The following RBM34 variants were observed in gnomAD, a reference collection of about 807,000 sequenced individuals.
The protein encoded by RBM34 is RNA binding motif protein 34.
Under a neutral mutation model 44.6 loss-of-function variants are expected in RBM34, and 39 were observed. The ratio of observed to expected loss-of-function variants is 0.87; its 90% CI spans 0.68 to 1.14. The LOEUF is 1.14. RBM34 is among the 50% of genes most tolerant of loss of function. The pLI is 0.00. For synonymous variants in RBM34, 194 were observed against 184.0 expected (o/e 1.05, Z -0.44); for missense variants, 572 against 517.9 (o/e 1.10, Z -1.01).
At chr1:235,149,520 C>G (rs930733732) in intron 5 of RBM34, among the ~76,000 whole-genome samples, 2 of 151,812 alleles carry the variant, frequency 1.3e-5, no homozygotes, top group Non-Finnish European at 2.9e-5. Flanking sequence ...AGACATATCA[C>G]CTGTATCTCT....
intron 10 of RBM34, among the ~76,000 whole-genome samples, chr1:235,134,745 G>GTTT (rs775688608): frequency 7.2e-4 from 98 of 136,830 alleles, no homozygotes; most frequent in Admixed American, 1.2e-3. Context: ...TCGTTTTCGG[G>GTTT]TTTTTTTTTT....
At chr1:235,139,093 A>G (rs6673181) in intron 6 of RBM34, among the ~76,000 whole-genome samples, 5,319 of 152,270 alleles carry the variant, frequency 0.035, 335 homozygotes, top group African/African-American at 0.12. Flanking sequence ...CTAAATGCCT[A>G]AACTCATTAA....
At position 235,140,103 on chromosome 1, in the gene RBM34, T is replaced by C. The variant is rs368111141; in HGVS notation, c.702-1929A>G. On this transcript the variant is annotated intron_variant, in intron 6 of 10. Transcript: ENST00000408888. The stretch of plus-strand genomic sequence containing the variant: ...GCACAAAGCCCCACCTGGATTCTTC[T>C]TGAGAGGTGACAGCGTGCTGGCAGT... Among the ~76,000 whole-genome samples, 32 of 152,364 alleles carry C rather than the reference T, an allele frequency of 2.1e-4. No homozygotes were observed. The South Asian group carries it at 4.8e-3, about 23-fold the overall frequency.
chr1:235,154,761 G>T, intron 4 of RBM34, 120 bp downstream of exon 4: 1 of 813,736 alleles, frequency 1.2e-6, no homozygotes, highest in Non-Finnish European at 2.0e-6. Context: ...ATTCATATTA[G>T]GATGATTTAT....
intron 3 of RBM34, among the ~76,000 whole-genome samples, chr1:235,157,289 G>C (rs1246025997): frequency 6.6e-6 from 1 of 152,148 alleles, no homozygotes; most frequent in African/African-American, 2.4e-5. Context: ...ACCAGAGCAG[G>C]GAAGGAGGTG....
Position 235,160,364 on chromosome 1 carries a change from T to A in RBM34, c.365+147A>T, listed in dbSNP as rs148123465. 2.9e-4 allele frequency: 315 copies of A among 1,086,156 alleles called. 2 individuals are homozygous for A. In the East Asian group the frequency reaches 7.7e-3, roughly 27 times the overall value. 67.3% of individuals were successfully genotyped at this position (1,086,156 alleles called of 1,614,324 possible). A position where few individuals can be genotyped will look rare whatever the true frequency, so the allele number is the denominator to read the frequency against. ...GAGTACACGGGGTTTCTTAGCCTTT[T>A]CAACTTTTCTATATGTACTGGATTT... On this transcript the variant is annotated intron_variant, in intron 3 of 10. Transcript: ENST00000408888.
Position 235,149,164 on chromosome 1 carries a change from G to A in RBM34, c.658-717C>T, listed in dbSNP as rs531776513. On this transcript the variant is annotated intron_variant, in intron 5 of 10. Coordinates refer to ENST00000408888, the MANE Select transcript of RBM34 (RefSeq NM_015014.4). ...AGCACTTTGGGAGGCCAAGGCGGGC[G>A]GATCACGAGGTCAGGAGGTTGAGAC... 8.6e-5 allele frequency among the ~76,000 whole-genome samples: 13 copies of A among 151,684 alleles called. No individual in the cohort carries two copies. The East Asian group carries it at 2.2e-3, about 25-fold the overall frequency.
chr1:235,137,965 A>G (rs2102829437), intron 7 of RBM34, 25 bp from the exon 8 acceptor site: 3 of 1,586,562 alleles, frequency 1.9e-6, no homozygotes, highest in Non-Finnish European at 2.6e-6. Flanking sequence ...CAAAGGGAAA[A>G]TGGTTGTTAA....
At chr1:235,138,715 C>T (rs188727801) in intron 6 of RBM34, among the ~76,000 whole-genome samples, 7 of 152,338 alleles carry the variant, frequency 4.6e-5, no homozygotes, top group Admixed American at 1.3e-4. Context: ...CTTCCCTGCA[C>T]ATCTTTGTGG....
Position 235,131,572 on chromosome 1 carries a change from T to C in RBM34, c.*141A>G. On this transcript the variant is annotated 3_prime_UTR_variant, in exon 11 of 11. Coordinates refer to ENST00000408888, the MANE Select transcript of RBM34 (RefSeq NM_015014.4). ...TATCACAATGTGAATAAACTGAGAA[T>C]GTGGAAGTCTCCACATTTCACATAC... The C allele has an allele frequency of 1.1e-6, 1 of 940,616 alleles. No individual in the cohort carries two copies. 58.3% of individuals were successfully genotyped at this position (940,616 alleles called of 1,614,324 possible).
At position 235,150,079 on chromosome 1, in the gene RBM34, TTTTG is replaced by T. The variant is rs1359311120; in HGVS notation, c.658-1636_658-1633del. Among the ~76,000 whole-genome samples the T allele has an allele frequency of 2.6e-5, 4 of 152,198 alleles. No homozygotes were observed. In the South Asian group the frequency reaches 6.2e-4, roughly 24 times the overall value. ...CCGTTATTTGTTTGGTTTTGTTTTATTTTGTTTGTTTTTGAGACAGAATCTCGCT... is the reference window on the plus strand; with the variant it reads ...CCGTTATTTGTTTGGTTTTGTTTTATTTTGTTTTTGAGACAGAATCTCGCT... On this transcript the variant is annotated intron_variant, in intron 5 of 10. Transcript: ENST00000408888.
rs577621744 is a variant in RBM34, at chr1:235,153,110, T to G, written c.598-345A>C. ...GTCTCAAACTCCTGACCTCAGGTGA[T>G]GCAACCACATCAGCCTCTTCAAGTG... is the stretch of plus-strand genomic sequence containing the variant. On this transcript the variant is annotated intron_variant, in intron 4 of 10. Transcript: ENST00000408888. Among the ~76,000 whole-genome samples the G allele has an allele frequency of 7.9e-5, 12 of 152,292 alleles. No individual in the cohort carries two copies. In the East Asian group the frequency reaches 2.3e-3, roughly 29 times the overall value.
chr1:235,153,522 T>A (rs1662258843), intron 4 of RBM34, among the ~76,000 whole-genome samples: 1 of 151,990 alleles, frequency 6.6e-6, no homozygotes, highest in African/African-American at 2.4e-5. Flanking sequence ...CCTCCTGGGT[T>A]CAAGCAATTC....
chr1:235,145,281 CTT>C (rs1228326266), intron 6 of RBM34, among the ~76,000 whole-genome samples: 46 of 142,060 alleles, frequency 3.2e-4, no homozygotes, highest in Admixed American at 5.0e-4. Context: ...CAAAAACATA[CTT>C]TTTTTTTTTT....
intron 6 of RBM34, among the ~76,000 whole-genome samples, chr1:235,141,279 G>C (rs572704537): frequency 6.6e-6 from 1 of 151,446 alleles, no homozygotes; most frequent in South Asian, 2.1e-4. Context: ...TCTAGCTCAA[G>C]GTTTATAAAC....
chr1:235,139,303 C>T (rs773316486), intron 6 of RBM34, among the ~76,000 whole-genome samples: 5 of 152,160 alleles, frequency 3.3e-5, no homozygotes, highest in Non-Finnish European at 7.3e-5. Flanking sequence ...TGTAATAATA[C>T]ACTATACTAA....
intron 5 of RBM34, among the ~76,000 whole-genome samples, chr1:235,151,078 A>G (rs573587322): frequency 2.5e-4 from 38 of 152,218 alleles, no homozygotes; most frequent in Non-Finnish European, 4.9e-4. Context: ...AGGAACTACA[A>G]TAGGCCTCTG....
intron 10 of RBM34, among the ~76,000 whole-genome samples, chr1:235,133,454 T>C (rs1301661647): frequency 6.6e-6 from 1 of 152,204 alleles, no homozygotes; most frequent in Non-Finnish European, 1.5e-5. Context: ...TATCACTCAA[T>C]GGAACATGCT....
rs184349413 is a variant in RBM34, at chr1:235,160,897, G to A, written c.224C>T (p.Pro75Leu). ...PQIQPVYVPV[P>L]KQTIKKTKRN... ...GAAGAAAGCCCAGTGACTTACTTTA[G>A]GCACAGGCACGTACACGGGTTGAAT... Residue 75 changes from proline (P) to leucine (L), a missense_variant, in exon 2 of 11, where the codon CCT (proline) becomes CTT (leucine). Coordinates refer to ENST00000408888, the MANE Select transcript of RBM34 (RefSeq NM_015014.4). 663 of 1,613,858 alleles carry A rather than the reference G, an allele frequency of 4.1e-4. 5 individuals carry two copies. Among genetic ancestry groups the A allele is most frequent in the Admixed American group, 2.8e-3 (166 of 59,966 alleles).
Sources: allele counts gnomAD v4.1 joint callset (sites outside exome capture counted in the v4.1 genomes callset), GRCh38; gene constraint gnomAD v4.1.1; transcripts MANE v1.5; gene names NCBI Gene and HGNC (gene_info 2026-07-23, HGNC 2026-07-21).